Variants in PRKCE observed in about 807,000 individuals in gnomAD.
The protein encoded by PRKCE is protein kinase C epsilon type.
A neutral mutation model predicts 85.4 loss-of-function variants in PRKCE; 16 were observed. That is an observed-to-expected ratio of 0.19 (90% CI 0.13 to 0.28). PRKCE has a LOEUF of 0.28. PRKCE is among the 10% of genes least tolerant of loss of function. The pLI is 1.00. For missense variants in PRKCE, 573 were observed against 975.2 expected, an observed-to-expected ratio of 0.59 and a Z score of 5.49; for synonymous variants, 388 against 371.5, an observed-to-expected ratio of 1.04 and a Z score of -0.51.
chr2:45,842,227 G>T (rs1000065139), intron 1 of PRKCE, among the ~76,000 whole-genome samples: 7 of 152,206 alleles, frequency 4.6e-5, no homozygotes, highest in African/African-American at 1.2e-4. Context: ...TTGAGGTGGG[G>T]AGGGAGGAAG....
At chr2:45,832,205 C>G (rs1690483789) in intron 1 of PRKCE, among the ~76,000 whole-genome samples, 4 of 152,166 alleles carry the variant, frequency 2.6e-5, no homozygotes, top group Non-Finnish European at 2.9e-5. Flanking sequence ...ATGTCATTGT[C>G]TGAGCCTCTC....
At chr2:46,123,784 C>T (rs1364165406) in intron 11 of PRKCE, among the ~76,000 whole-genome samples, 4 of 152,198 alleles carry the variant, frequency 2.6e-5, no homozygotes, top group Non-Finnish European at 5.9e-5. Flanking sequence ...CTGTGCCCTG[C>T]CAAGTTTTAT....
intron 6 of PRKCE, among the ~76,000 whole-genome samples, chr2:45,996,255 T>C (rs1266283992): frequency 2.6e-5 from 4 of 152,222 alleles, no homozygotes; most frequent in African/African-American, 9.6e-5. Context: ...GAGTTTTTTG[T>C]TGATTCTTTT....
intron 1 of PRKCE, among the ~76,000 whole-genome samples, chr2:45,803,372 G>A (rs1688015472): frequency 6.6e-6 from 1 of 152,214 alleles, no homozygotes; most frequent in African/African-American, 2.4e-5. Flanking sequence ...ATAGGCGCTG[G>A]TGCTACCCTT....
chr2:45,965,828 C>T (rs1221667868), intron 2 of PRKCE, among the ~76,000 whole-genome samples: 1 of 151,942 alleles, frequency 6.6e-6, no homozygotes, highest in Non-Finnish European at 1.5e-5. Context: ...ACACTATCGA[C>T]ATGTTTCTTA....
intron 1 of PRKCE, among the ~76,000 whole-genome samples, chr2:45,750,592 A>G (rs899382127): frequency 1.3e-5 from 2 of 152,216 alleles, no homozygotes; most frequent in Non-Finnish European, 2.9e-5. Context: ...AGGTTGTTGC[A>G]AGGATTAAGT....
In PRKCE at chr2:46,010,209, C is replaced by G. The variant is rs187600944; in HGVS notation, c.1264-135C>G. The G allele has an allele frequency of 6.8e-5, 69 of 1,015,034 alleles. No individual in the cohort carries two copies. In the Admixed American group the frequency reaches 1.6e-3, roughly 24 times the overall value. 62.9% of individuals were successfully genotyped at this position (1,015,034 alleles called of 1,614,324 possible). A position where few individuals can be genotyped will look rare whatever the true frequency, so the allele number is the denominator to read the frequency against. On this transcript the variant is annotated intron_variant, in intron 9 of 14. Coordinates refer to ENST00000306156, the MANE Select transcript of PRKCE (RefSeq NM_005400.3). ...TCCCAAGTATCTTGGGTGCATGCCACCACACCAGGCTTGTTATAATATTTA... is the reference window on the plus strand; with the variant it reads ...TCCCAAGTATCTTGGGTGCATGCCAGCACACCAGGCTTGTTATAATATTTA...
chr2:45,943,623 T>C (rs1700036901), intron 2 of PRKCE, among the ~76,000 whole-genome samples: 1 of 152,262 alleles, frequency 6.6e-6, no homozygotes, highest in Non-Finnish European at 1.5e-5. Context: ...GTCTTAAATG[T>C]TTTCCAGTTC....
intron 11 of PRKCE, among the ~76,000 whole-genome samples, chr2:46,116,977 T>C (rs1672837268): frequency 6.6e-6 from 1 of 152,184 alleles, no homozygotes; most frequent in African/African-American, 2.4e-5. Flanking sequence ...AGAAAATTAT[T>C]GGTCAAATTT....
At chr2:46,109,563 A>G (rs1304838923) in intron 11 of PRKCE, among the ~76,000 whole-genome samples, 1 of 152,170 alleles carries the variant, frequency 6.6e-6, no homozygotes, top group Non-Finnish European at 1.5e-5. Flanking sequence ...TGTATTCTGC[A>G]ACCATTCTAT....
chr2:46,106,507 G>A (rs917815134), intron 11 of PRKCE, among the ~76,000 whole-genome samples: 2 of 152,196 alleles, frequency 1.3e-5, no homozygotes, highest in South Asian at 2.1e-4. Flanking sequence ...CAATAGAAAT[G>A]TATTTTCTCA....
chr2:45,918,943 A>T (rs1432850426), intron 2 of PRKCE, among the ~76,000 whole-genome samples: 1 of 152,040 alleles, frequency 6.6e-6, no homozygotes, highest in African/African-American at 2.4e-5. Flanking sequence ...GCTGTCACAC[A>T]CCCCTCCTCT....
At chr2:45,831,859 C>T (rs900875766) in intron 1 of PRKCE, among the ~76,000 whole-genome samples, 2 of 152,018 alleles carry the variant, frequency 1.3e-5, no homozygotes, top group African/African-American at 4.8e-5. Context: ...ACAGTACTTA[C>T]TTTTGGCTAT....
intron 1 of PRKCE, among the ~76,000 whole-genome samples, chr2:45,665,850 A>G (rs1309209845): frequency 6.6e-6 from 1 of 152,172 alleles, no homozygotes; most frequent in Non-Finnish European, 1.5e-5. Flanking sequence ...CACTACCCCA[A>G]TAATGAAACA....
chr2:45,656,615 G>T (rs1675390920), intron 1 of PRKCE, among the ~76,000 whole-genome samples: 1 of 152,150 alleles, frequency 6.6e-6, no homozygotes. Flanking sequence ...CAGTAAGGGA[G>T]GGCATATAAA....
At chr2:45,739,130 G>C (rs899968669) in intron 1 of PRKCE, among the ~76,000 whole-genome samples, 3 of 152,274 alleles carry the variant, frequency 2.0e-5, no homozygotes, top group African/African-American at 7.2e-5. Context: ...GCCTCTCCAG[G>C]CTTAAATTCA....
intron 1 of PRKCE, among the ~76,000 whole-genome samples, chr2:45,797,641 G>A (rs1455432912): frequency 6.6e-6 from 1 of 152,200 alleles, no homozygotes; most frequent in African/African-American, 2.4e-5. Flanking sequence ...ACCTGTCTTT[G>A]GTTGGGGCGG....
intron 2 of PRKCE, among the ~76,000 whole-genome samples, chr2:45,919,856 G>A (rs954872944): frequency 6.6e-6 from 1 of 152,222 alleles, no homozygotes; most frequent in Non-Finnish European, 1.5e-5. Context: ...GAAAATACAT[G>A]TGCAGGACAT....
chr2:45,765,002 T>C (rs1684800059), intron 1 of PRKCE, among the ~76,000 whole-genome samples: 1 of 152,124 alleles, frequency 6.6e-6, no homozygotes, highest in Non-Finnish European at 1.5e-5. Flanking sequence ...GTGGACCCCA[T>C]GTGAACCATA....
Sources: gnomAD v4.1 joint callset for allele counts (sites outside exome capture counted in the v4.1 genomes callset) on GRCh38, gnomAD v4.1.1 for gene constraint, MANE v1.5 for transcripts, NCBI Gene and HGNC (gene_info 2026-07-23, HGNC 2026-07-21) for gene names.